Variants in NYAP2 observed in about 807,000 individuals in gnomAD.
NYAP2 encodes neuronal tyrosine-phosphorylated phosphoinositide-3-kinase adapter 2.
In NYAP2, 23 loss-of-function variants were observed where a neutral mutation model predicts 50.4. The observed-to-expected ratio is 0.46, with a 90% CI of 0.33 to 0.65. The LOEUF is 0.65. NYAP2 is among the 30% of genes least tolerant of loss of function. The pLI, the probability that NYAP2 is intolerant of heterozygous loss-of-function variation, is 0.02. For missense variants in NYAP2, 885 were observed against 861.0 expected (o/e 1.03, Z -0.35); for synonymous variants, 394 against 365.2 (o/e 1.08, Z -0.90).
At chr2:225,566,486 G>A (rs78781323) in intron 4 of NYAP2, among the ~76,000 whole-genome samples, 6,025 of 152,224 alleles carry the variant, frequency 0.04, 141 homozygotes, top group Middle Eastern at 0.068. Flanking sequence ...ATCATTAATC[G>A]GATTTTTCTC....
At chr2:225,619,573 G>A (rs534198093) in intron 5 of NYAP2, among the ~76,000 whole-genome samples, 129 of 152,252 alleles carry the variant, frequency 8.5e-4, no homozygotes, top group African/African-American at 3.0e-3. Flanking sequence ...AAAGCCATTA[G>A]ACCCAGGAAA....
intron 3 of NYAP2, among the ~76,000 whole-genome samples, chr2:225,410,194 GGA>G (rs1293996350): frequency 3.9e-5 from 6 of 152,006 alleles, no homozygotes; most frequent in African/African-American, 1.4e-4. Context: ...GAAATAGAAA[GGA>G]ATGGTGTACA....
the NYAP2 span, among the ~76,000 whole-genome samples, chr2:225,680,125 C>T: frequency 6.6e-6 from 1 of 152,134 alleles, no homozygotes; most frequent in East Asian, 1.9e-4. Context: ...TCAATGAGAG[C>T]TTGGATTCTT....
intron 5 of NYAP2, among the ~76,000 whole-genome samples, chr2:225,587,131 C>A (rs990394701): frequency 1.3e-5 from 2 of 152,198 alleles, no homozygotes; most frequent in African/African-American, 2.4e-5. Context: ...AATCACCTCC[C>A]ACCTGGCCCC....
chr2:225,412,403 T>A (rs1695061415), intron 3 of NYAP2, among the ~76,000 whole-genome samples: 1 of 151,374 alleles, frequency 6.6e-6, no homozygotes, highest in Admixed American at 6.6e-5. Context: ...ACTGTTAGAG[T>A]GTCCTTGAGT....
intron 4 of NYAP2, among the ~76,000 whole-genome samples, chr2:225,533,929 T>C (rs1291069869): frequency 3.3e-5 from 5 of 152,182 alleles, no homozygotes; most frequent in African/African-American, 1.2e-4. Flanking sequence ...TACAGATCTG[T>C]TTCTTAACTG....
chr2:225,538,790 CTTTCTTTCT>C, intron 4 of NYAP2, among the ~76,000 whole-genome samples: 1 of 32,756 alleles, frequency 3.1e-5, no homozygotes, highest in Admixed American at 3.5e-4. Context: ...TTCTTTCTTT[CTTTCTTTCT>C]TTCTTTCTTT....
At chr2:225,484,077 T>C (rs2106166802) in intron 3 of NYAP2, among the ~76,000 whole-genome samples, 1 of 152,360 alleles carries the variant, frequency 6.6e-6, no homozygotes, top group East Asian at 1.9e-4. Context: ...CCATAGTAAA[T>C]GAACACTAAC....
intron 4 of NYAP2, among the ~76,000 whole-genome samples, chr2:225,534,581 A>C (rs972531713): frequency 1.2e-4 from 18 of 152,358 alleles, no homozygotes; most frequent in African/African-American, 4.1e-4. Flanking sequence ...AGAAAAATCC[A>C]AAGCAAGGTA....
intron 4 of NYAP2, among the ~76,000 whole-genome samples, chr2:225,560,587 C>T (rs998709207): frequency 1.3e-5 from 2 of 152,010 alleles, no homozygotes. Flanking sequence ...TCAGTGGGAT[C>T]TTTCCTATCA....
the NYAP2 span, among the ~76,000 whole-genome samples, chr2:225,667,885 A>C: frequency 3.3e-5 from 5 of 152,048 alleles, no homozygotes; most frequent in African/African-American, 1.2e-4. Context: ...TTTTAAAATA[A>C]TGTCACTTCA....
intron 5 of NYAP2, among the ~76,000 whole-genome samples, chr2:225,592,778 G>A (rs75345937): frequency 1.3e-5 from 2 of 152,240 alleles, no homozygotes; most frequent in African/African-American, 4.8e-5. Context: ...CTTGATTGAT[G>A]CAGGCAGATG....
chr2:225,476,380 T>C (rs1028367155), intron 3 of NYAP2, among the ~76,000 whole-genome samples: 1 of 148,212 alleles, frequency 6.7e-6, no homozygotes, highest in Non-Finnish European at 1.5e-5. Flanking sequence ...GCCACTGCAC[T>C]CCAGCCTGGG....
chr2:225,510,315 A>G (rs1221581198), intron 3 of NYAP2, among the ~76,000 whole-genome samples: 1 of 152,146 alleles, frequency 6.6e-6, no homozygotes, highest in Non-Finnish European at 1.5e-5. Flanking sequence ...CTACTCATTA[A>G]TGGCCCTAAC....
chr2:225,562,651 G>A (rs1186342852), intron 4 of NYAP2, among the ~76,000 whole-genome samples: 1 of 152,074 alleles, frequency 6.6e-6, no homozygotes, highest in Non-Finnish European at 1.5e-5. Flanking sequence ...GAGTCGAAGT[G>A]GAAGAGGCTG....
chr2:225,566,684 C>T (rs1015471742), intron 4 of NYAP2, among the ~76,000 whole-genome samples: 2 of 152,206 alleles, frequency 1.3e-5, no homozygotes, highest in Non-Finnish European at 2.9e-5. Context: ...CAAGTGATAG[C>T]TACAGTGAAC....
At chr2:225,424,322 A>T (rs1185168121) in intron 3 of NYAP2, among the ~76,000 whole-genome samples, 1 of 152,138 alleles carries the variant, frequency 6.6e-6, no homozygotes, top group Non-Finnish European at 1.5e-5. Flanking sequence ...AATATTCTCC[A>T]GCTTCAATTT....
intron 6 of NYAP2, among the ~76,000 whole-genome samples, chr2:225,632,783 G>T (rs1247465965): frequency 1.3e-5 from 2 of 152,108 alleles, no homozygotes; most frequent in Non-Finnish European, 2.9e-5. Flanking sequence ...CACACAGCTT[G>T]TATCCAACTC....
intron 5 of NYAP2, among the ~76,000 whole-genome samples, chr2:225,596,909 A>C (rs1304097224): frequency 6.6e-6 from 1 of 152,168 alleles, no homozygotes; most frequent in Admixed American, 6.6e-5. Flanking sequence ...AATACAGTCC[A>C]TTTGCAGGTT....
Sources: allele counts gnomAD v4.1 joint callset (sites outside exome capture counted in the v4.1 genomes callset), GRCh38; gene constraint gnomAD v4.1.1; transcripts MANE v1.5; gene names NCBI Gene and HGNC (gene_info 2026-07-23, HGNC 2026-07-21).